ITPR1: variants seen among roughly 807,000 people sequenced by gnomAD.
The protein encoded by ITPR1 is inositol 1,4,5-trisphosphate-gated calcium channel ITPR1.
ITPR1 carries 96 observed loss-of-function variants against 318.4 expected under a neutral mutation model. The observed-to-expected ratio is 0.30, with a 90% confidence interval of 0.26 to 0.36. The LOEUF (loss-of-function observed/expected upper bound fraction) is 0.36, where lower values mean the gene tolerates loss of function less well. Among genes scored for constraint, ITPR1 ranks in the 10% least tolerant of loss-of-function variants. The probability of loss-of-function intolerance (pLI) is 1.00; values close to 1 mark genes in which losing one functional copy is unlikely to be tolerated. For missense variants in ITPR1, 2,440 were observed against 3,460.2 expected (o/e 0.71, Z 7.40); for synonymous variants, 1,312 against 1,289.9 (o/e 1.02, Z -0.37).
intron 2 of ITPR1, among the ~76,000 whole-genome samples, chr3:4,498,603 G>T (rs1226573081): frequency 6.6e-6 from 1 of 152,152 alleles, no homozygotes; most frequent in Admixed American, 6.5e-5. Flanking sequence ...AGAGACTCTG[G>T]TAAGGTTGGC....
In ITPR1 at chr3:4,768,543, G is replaced by A. The variant is rs764612630; in HGVS notation, c.5758G>A (p.Val1920Ile). 1.9e-6 allele frequency: 3 copies of A among 1,613,568 alleles called. No individual in the cohort carries two copies. Among genetic ancestry groups the A allele is most frequent in the Non-Finnish European group, 2.5e-6 (3 of 1,179,696 alleles). ...KEPTTQITEE[V>I]RDQLLEASAA... Reference sequence around the variant, plus strand: ...GCCCACAACACAGATAACAGAAGAGGTCCGGGATCAGCTCCTGGAGGCCTC... The same window carrying A: ...GCCCACAACACAGATAACAGAAGAGATCCGGGATCAGCTCCTGGAGGCCTC... The change falls in exon 46 of 62, where the codon GTC becomes ATC. Residue 1920 changes from valine to isoleucine, a missense_variant. Val to Ile is a conservative substitution (Grantham distance 29). This residue lies in a region of ITPR1 where 113 missense variants were observed against 103.6 expected (regional missense o/e 1.09). Coordinates refer to ENST00000649015, the MANE Select transcript of ITPR1 (RefSeq NM_001378452.1).
intron 51 of ITPR1, among the ~76,000 whole-genome samples, chr3:4,785,830 A>T (rs1018108): frequency 0.63 from 95,736 of 152,102 alleles, 30,533 homozygotes; most frequent in East Asian, 0.89. Context: ...AGATTCTAAA[A>T]CTACTGAGGA....
At chr3:4,778,850 A>G (rs544065742) in intron 48 of ITPR1, among the ~76,000 whole-genome samples, 1 of 152,334 alleles carries the variant, frequency 6.6e-6, no homozygotes, top group South Asian at 2.1e-4. Context: ...AAGAAAAAAA[A>G]CCCAACAGCT....
intron 44 of ITPR1, 46 bp downstream of exon 44, chr3:4,735,400 G>A (rs1179448219): frequency 6.6e-7 from 1 of 1,514,680 alleles, no homozygotes; most frequent in African/African-American, 1.4e-5. Context: ...TGCTGAGCAG[G>A]AGGAGAGTCT....
At chr3:4,743,060 T>G (rs564415504) in intron 44 of ITPR1, among the ~76,000 whole-genome samples, 1 of 152,364 alleles carries the variant, frequency 6.6e-6, no homozygotes, top group African/African-American at 2.4e-5. Context: ...TGAGAGACAT[T>G]CTGGGATGAA....
At chr3:4,629,923 G>T (rs1258686915) in intron 5 of ITPR1, among the ~76,000 whole-genome samples, 1 of 152,128 alleles carries the variant, frequency 6.6e-6, no homozygotes. Context: ...GCTAGTGATT[G>T]CTTTGAAGAC....
chr3:4,709,633 G>A (rs1017680341), intron 37 of ITPR1, among the ~76,000 whole-genome samples: 2 of 152,208 alleles, frequency 1.3e-5, no homozygotes, highest in Non-Finnish European at 2.9e-5. Context: ...CCTTCAAATG[G>A]TGTTTGTTGT....
rs1466719018 is a variant in ITPR1, at chr3:4,663,234, T to G, written c.1554+28T>G. ...CGGTGAGATGTGGCGTACTGGGGATTTGGCTTTATGAGAAATCATAAAGCA... is the reference window on the plus strand; with the variant it reads ...CGGTGAGATGTGGCGTACTGGGGATGTGGCTTTATGAGAAATCATAAAGCA... On this transcript the variant is annotated intron_variant, in intron 16 of 61. Transcript: ENST00000649015. The G allele has an allele frequency of 3.2e-6, 5 of 1,586,864 alleles. No homozygotes were observed. The Admixed American group carries it at 8.6e-5, about 27-fold the overall frequency.
At position 4,730,371 on chromosome 3, in the gene ITPR1, A is replaced by ATGTG. The variant is rs369249391; in HGVS notation, c.5221-2671_5221-2668dup. ...CAAAAAAAAAAGTTTGTTGGGTGGA[A>ATGTG]TGTGTGTGTGTGTGTGTGTGTGTGT... On this transcript the variant is annotated intron_variant, in intron 42 of 61. Coordinates refer to ENST00000649015, the MANE Select transcript of ITPR1 (RefSeq NM_001378452.1). 9.8e-3 allele frequency among the ~76,000 whole-genome samples: 564 copies of ATGTG among 57,362 alleles called. 3 individuals are homozygous for ATGTG. Among genetic ancestry groups the ATGTG allele is most frequent in the Middle Eastern group, 0.028 (3 of 106 alleles). 37.6% of individuals were successfully genotyped at this position (57,362 alleles called of 152,430 possible). A position where few individuals can be genotyped will look rare whatever the true frequency, so the allele number is the denominator to read the frequency against.
chr3:4,633,061 C>A (rs1218746444), intron 5 of ITPR1, among the ~76,000 whole-genome samples: 1 of 150,450 alleles, frequency 6.6e-6, no homozygotes, highest in Non-Finnish European at 1.5e-5. Context: ...GCCTTAGCGT[C>A]CTGAGTAGCT....
chr3:4,579,894 G>A (rs913571113), intron 4 of ITPR1, among the ~76,000 whole-genome samples: 2 of 151,720 alleles, frequency 1.3e-5, no homozygotes, highest in Non-Finnish European at 2.9e-5. Flanking sequence ...ACTGTATTTT[G>A]AATGTTAAAT....
chr3:4,803,548 T>A (rs1277450844), intron 54 of ITPR1, among the ~76,000 whole-genome samples: 1 of 152,118 alleles, frequency 6.6e-6, no homozygotes, highest in Non-Finnish European at 1.5e-5. Context: ...TGGAAATACA[T>A]GACCAGAACT....
intron 44 of ITPR1, among the ~76,000 whole-genome samples, chr3:4,762,588 A>C (rs1487322779): frequency 6.6e-6 from 1 of 152,174 alleles, no homozygotes; most frequent in South Asian, 2.1e-4. Context: ...CAAAATTAAC[A>C]CCATCAGTTT....
chr3:4,552,269 A>C (rs2085644264), intron 4 of ITPR1, among the ~76,000 whole-genome samples: 1 of 152,198 alleles, frequency 6.6e-6, no homozygotes, highest in African/African-American at 2.4e-5. Flanking sequence ...TGATAGTATT[A>C]GATCCCACAG....
At position 4,547,955 on chromosome 3, in the gene ITPR1, G is replaced by A. The variant is rs77821330; in HGVS notation, c.163+26861G>A. ...CATCCACTTACGAAGCATAGCTACA[G>A]GATTGGCTCAGTCTAAGTACCGGCC... is the stretch of plus-strand genomic sequence containing the variant. On this transcript the variant is annotated intron_variant, in intron 4 of 61. Transcript: ENST00000649015. 9.8e-3 allele frequency among the ~76,000 whole-genome samples: 1,492 copies of A among 152,190 alleles called. 30 individuals are homozygous for A. Among genetic ancestry groups the A allele is most frequent in the African/African-American group, 0.034 (1,407 of 41,530 alleles).
At chr3:4,523,819 C>T (rs1379441905) in intron 4 of ITPR1, among the ~76,000 whole-genome samples, 1 of 152,110 alleles carries the variant, frequency 6.6e-6, no homozygotes. Flanking sequence ...TCGGAGGAGA[C>T]ATGTTTTTCT....
chr3:4,689,066 G>C lies in ITPR1; in HGVS notation c.3828+446G>C, dbSNP rs185092535. On this transcript the variant is annotated intron_variant, in intron 31 of 61. Coordinates refer to ENST00000649015, the MANE Select transcript of ITPR1 (RefSeq NM_001378452.1). ...CTAGAAGTATATTAAATGTATTGTA[G>C]GTTTTGTAAAGAAAAATGATGCCAC... Among the ~76,000 whole-genome samples the C allele has an allele frequency of 1.5e-3, 223 of 152,160 alleles. 3 individuals are homozygous for C. The Middle Eastern group carries it at 0.024, about 16-fold the overall frequency.
chr3:4,794,630 C>A (rs527770853), intron 52 of ITPR1, among the ~76,000 whole-genome samples: 5 of 152,282 alleles, frequency 3.3e-5, no homozygotes, highest in African/African-American at 9.6e-5. Flanking sequence ...GTATCTCCCC[C>A]ACCCCTCCCC....
rs770832119 is a variant in ITPR1, at chr3:4,627,844, G to C, written c.245G>C (p.Ser82Thr). The change falls in exon 5 of 62, where the codon AGC (serine) becomes ACC (threonine). Residue 82 changes from serine to threonine, a missense_variant. By Grantham distance (58) the Ser-to-Thr change is moderately conservative (BLOSUM62 1). Around this residue, in one of 23 missense-constraint regions of ITPR1, gnomAD observed 186 missense variants for 323.9 expected, o/e 0.57. Coordinates refer to ENST00000649015, the MANE Select transcript of ITPR1 (RefSeq NM_001378452.1). The stretch of plus-strand genomic sequence containing the variant: ...AAAGCCGCTAAGCCTGGGGCCAACA[G>C]CACCACAGACGCAGTGCTACTCAAC... ...FWKAAKPGANSTTDAVLLNKL... is the reference protein window; with the variant it reads ...FWKAAKPGANTTTDAVLLNKL... 1.9e-6 allele frequency: 3 copies of C among 1,613,600 alleles called. No individual in the cohort carries two copies. Among genetic ancestry groups the C allele is most frequent in the Non-Finnish European group, 2.5e-6 (3 of 1,179,646 alleles).
Sources: allele counts gnomAD v4.1 joint callset (sites outside exome capture counted in the v4.1 genomes callset), GRCh38; gene constraint gnomAD v4.1.1; regional missense constraint gnomAD v4.1.1; transcripts MANE v1.5; gene names NCBI Gene and HGNC (gene_info 2026-07-23, HGNC 2026-07-21).